The following EPB41L5 variants were observed in gnomAD, a reference collection of about 807,000 sequenced individuals.
EPB41L5 encodes the protein band 4.1-like protein 5.
Under a neutral mutation model 106.6 loss-of-function variants are expected in EPB41L5, and 55 were observed. The observed-to-expected ratio is 0.52, with a 90% CI of 0.42 to 0.65. The LOEUF (loss-of-function observed/expected upper bound fraction) is 0.65. EPB41L5 is among the 30% of genes least tolerant of loss of function. The pLI is 0.00. For missense variants in EPB41L5, 871 were observed against 882.1 expected (o/e 0.99, Z 0.16); for synonymous variants, 297 against 306.7 (o/e 0.97, Z 0.33).
At position 120,075,695 on chromosome 2, in the gene EPB41L5, T is replaced by G. The variant is rs1160901038; in HGVS notation, c.453-6T>G. 4 of 1,612,710 alleles carry G rather than the reference T, an allele frequency of 2.5e-6. No individual in the cohort carries two copies. The highest frequency in any genetic ancestry group is 3.4e-6 in the Non-Finnish European group (4 of 1,178,938). On this transcript the variant is annotated splice_region_variant and splice_polypyrimidine_tract_variant and intron_variant, in intron 6 of 24. Coordinates refer to ENST00000263713, the MANE Select transcript of EPB41L5 (RefSeq NM_020909.4). ...CTTGTCTAACAAACTTGTGTTTTGGTCTCAGATTAGACTGTCCCTTTGATA... is the reference window on the plus strand; with the variant it reads ...CTTGTCTAACAAACTTGTGTTTTGGGCTCAGATTAGACTGTCCCTTTGATA...
chr2:120,157,252 T>TA (rs1686939680), intron 20 of EPB41L5, among the ~76,000 whole-genome samples: 1 of 152,028 alleles, frequency 6.6e-6, no homozygotes, highest in South Asian at 2.1e-4. Context: ...AGAACAAAGA[T>TA]ATGACATACC....
intron 3 of EPB41L5, among the ~76,000 whole-genome samples, chr2:120,054,098 C>G (rs1024945453): frequency 1.3e-5 from 2 of 152,186 alleles, no homozygotes; most frequent in African/African-American, 4.8e-5. Context: ...TTTAGCCATC[C>G]TAGTTGGTAT....
chr2:120,097,843 CTG>C (rs760936661), intron 14 of EPB41L5, among the ~76,000 whole-genome samples: 57 of 152,174 alleles, frequency 3.7e-4, no homozygotes, highest in Non-Finnish European at 5.6e-4. Context: ...ATAATGCTTT[CTG>C]TATTTCATAC....
chr2:120,035,154 C>T (rs550065863), intron 2 of EPB41L5, among the ~76,000 whole-genome samples: 18 of 152,210 alleles, frequency 1.2e-4, no homozygotes, highest in African/African-American at 4.3e-4. Flanking sequence ...TAAATGGGCC[C>T]CATGTAAACA....
At chr2:120,041,967 A>G (rs1036270035) in intron 2 of EPB41L5, 39 bp from the exon 3 acceptor site, 2 of 1,481,538 alleles carry the variant, frequency 1.3e-6, no homozygotes, top group Non-Finnish European at 1.9e-6. Context: ...TTGATCTTAT[A>G]AACCACTTAT....
At chr2:120,051,306 G>T (rs763334814) in intron 3 of EPB41L5, among the ~76,000 whole-genome samples, 1 of 152,310 alleles carries the variant, frequency 6.6e-6, no homozygotes, top group Non-Finnish European at 1.5e-5. Context: ...GCTCCACCCA[G>T]TTCAAGCTTC....
At chr2:120,135,511 T>C (rs1344913664) in intron 18 of EPB41L5, among the ~76,000 whole-genome samples, 1 of 152,008 alleles carries the variant, frequency 6.6e-6, no homozygotes, top group Non-Finnish European at 1.5e-5. Flanking sequence ...AACTCCCAAA[T>C]GTCAATGTTA....
chr2:120,031,801 G>A (rs1180817642), intron 2 of EPB41L5, among the ~76,000 whole-genome samples: 5 of 152,024 alleles, frequency 3.3e-5, no homozygotes, highest in African/African-American at 1.2e-4. Flanking sequence ...TTATTGGAAG[G>A]CAACACTGAT....
chr2:120,119,666 G>C (rs1395908194), intron 16 of EPB41L5, among the ~76,000 whole-genome samples: 1 of 151,590 alleles, frequency 6.6e-6, no homozygotes, highest in African/African-American at 2.4e-5. Flanking sequence ...GATTTATTTA[G>C]TTAATTAAAG....
intron 2 of EPB41L5, among the ~76,000 whole-genome samples, chr2:120,037,706 A>C (rs954102881): frequency 6.6e-6 from 1 of 152,204 alleles, no homozygotes; most frequent in Non-Finnish European, 1.5e-5. Flanking sequence ...ACATTGACCA[A>C]TGGAATAGAA....
At chr2:120,134,627 G>T (rs1685846432) in intron 18 of EPB41L5, among the ~76,000 whole-genome samples, 1 of 152,178 alleles carries the variant, frequency 6.6e-6, no homozygotes, top group Non-Finnish European at 1.5e-5. Flanking sequence ...GAAAGTGAGG[G>T]AAGAGAACAA....
rs893525237 is a variant in EPB41L5, at chr2:120,176,445, C to T, written c.*1538C>T. The T allele has an allele frequency of 2.6e-5, 4 of 152,236 alleles. No homozygotes were observed. The highest frequency in any genetic ancestry group is 4.8e-5 in the African/African-American group (2 of 41,456). 9.4% of individuals were successfully genotyped at this position (152,236 alleles called of 1,614,324 possible). A position where few individuals can be genotyped will look rare whatever the true frequency, so the allele number is the denominator to read the frequency against. The stretch of plus-strand genomic sequence containing the variant: ...ATAATCGTGTGTCCAGGCAAACGCA[C>T]ACTAGTGTCTGACTGGAAAGCTCAG... On this transcript the variant is annotated 3_prime_UTR_variant, in exon 25 of 25. Coordinates refer to ENST00000263713, the MANE Select transcript of EPB41L5 (RefSeq NM_020909.4).
chr2:120,099,761 T>A (rs916176514), intron 14 of EPB41L5, among the ~76,000 whole-genome samples: 1 of 152,112 alleles, frequency 6.6e-6, no homozygotes, highest in South Asian at 2.1e-4. Context: ...TATAAGTCAT[T>A]TGGAGAGGAA....
At chr2:120,142,572 G>A (rs1178478936) in intron 18 of EPB41L5, among the ~76,000 whole-genome samples, 1 of 152,140 alleles carries the variant, frequency 6.6e-6, no homozygotes, top group Non-Finnish European at 1.5e-5. Context: ...ACCAGAGGTT[G>A]GCAGATTATT....
At chr2:120,106,911 G>T in intron 16 of EPB41L5, 1 of 963,828 alleles carries the variant, frequency 1.0e-6, no homozygotes, top group Non-Finnish European at 1.2e-6. Flanking sequence ...AATTTTATTT[G>T]TCCTACTATG....
rs1409098506 is a variant in EPB41L5, at chr2:120,178,116, T to A, written c.*3209T>A. 1.3e-5 allele frequency: 2 copies of A among 152,598 alleles called. No individual in the cohort carries two copies. The highest frequency in any genetic ancestry group is 2.9e-5 in the Non-Finnish European group (2 of 68,074). 9.5% of individuals were successfully genotyped at this position (152,598 alleles called of 1,614,324 possible). ...TGGTAAATACTGTCCCACTCAGCTC[T>A]GCTGGCGCAGTACAGCAGCAGCAGC... On this transcript the variant is annotated 3_prime_UTR_variant, in exon 25 of 25. Transcript: ENST00000263713.
chr2:120,107,747 T>G (rs1037415254), intron 16 of EPB41L5, among the ~76,000 whole-genome samples: 2 of 152,220 alleles, frequency 1.3e-5, no homozygotes, highest in African/African-American at 4.8e-5. Context: ...TTTTTTACTT[T>G]AGTCACATGA....
At chr2:120,085,245 T>C (rs1682977506) in intron 10 of EPB41L5, among the ~76,000 whole-genome samples, 1 of 152,182 alleles carries the variant, frequency 6.6e-6, no homozygotes, top group South Asian at 2.1e-4. Flanking sequence ...TTCCCCGTCT[T>C]TGTGGTTTTA....
At chr2:120,014,753 CA>C (rs1398326832) in intron 1 of EPB41L5, among the ~76,000 whole-genome samples, 4 of 151,962 alleles carry the variant, frequency 2.6e-5, no homozygotes, top group African/African-American at 9.7e-5. Context: ...GGCCGAGCAG[CA>C]AGAGTACAAG....
Sources: allele counts gnomAD v4.1 joint callset (sites outside exome capture counted in the v4.1 genomes callset), GRCh38; gene constraint gnomAD v4.1.1; transcripts MANE v1.5; gene names NCBI Gene and HGNC (gene_info 2026-07-23, HGNC 2026-07-21).